The following CTBP2 variants were observed in gnomAD, a reference collection of about 807,000 sequenced individuals.
CTBP2 encodes C-terminal binding protein 2, also known as C-terminal-binding protein 2.
Under a neutral mutation model 80.3 loss-of-function variants are expected in CTBP2, and 30 were observed. The observed-to-expected ratio is 0.37, with a 90% confidence interval of 0.28 to 0.51. CTBP2 has a LOEUF of 0.51. Ranked by LOEUF, CTBP2 falls within the 20% of genes least tolerant of loss-of-function variation. The pLI, the probability that CTBP2 is intolerant of heterozygous loss-of-function variation, is 0.93. For missense variants in CTBP2, 1,212 were observed against 1,375.3 expected, an observed-to-expected ratio of 0.88 and a Z score of 1.88; for synonymous variants, 594 against 587.4, an observed-to-expected ratio of 1.01 and a Z score of -0.16.
chr10:125,121,270 C>T (rs914678398), intron 1 of CTBP2, among the ~76,000 whole-genome samples: 23 of 152,246 alleles, frequency 1.5e-4, no homozygotes, highest in African/African-American at 9.6e-5. Flanking sequence ...CAGCGCTCAG[C>T]GTGGCGCCTG....
chr10:125,055,992 C>T (rs1349559169), intron 2 of CTBP2, among the ~76,000 whole-genome samples: 5 of 151,976 alleles, frequency 3.3e-5, no homozygotes, highest in African/African-American at 4.8e-5. Flanking sequence ...TGGTGAAACC[C>T]CGTGTGTACT....
intron 2 of CTBP2, among the ~76,000 whole-genome samples, chr10:125,107,211 A>G (rs1012212303): frequency 1.3e-5 from 2 of 152,180 alleles, no homozygotes; most frequent in African/African-American, 4.8e-5. Context: ...GCCCCATCTC[A>G]GCCTCCTGAC....
rs373159689 is a variant in CTBP2 at position 125,145,092 on chromosome 10, GTTAT to G, written c.-206+15223_-206+15226del. 4.9e-3 allele frequency among the ~76,000 whole-genome samples: 742 copies of G among 152,324 alleles called. 4 individuals carry two copies. Among genetic ancestry groups the G allele is most frequent in the South Asian group, 0.036 (175 of 4,828 alleles). On this transcript the variant is annotated intron_variant, in intron 1 of 10. Transcript: ENST00000337195. ...TTCCAAGTTTCAAATAATTTAGTGG[GTTAT>G]TTGAGTTATATAAAATCTTCTTTCA... is the stretch of plus-strand genomic sequence containing the variant.
At chr10:125,070,139 CAGG>C (rs966218292) in intron 2 of CTBP2, among the ~76,000 whole-genome samples, 6 of 79,524 alleles carry the variant, frequency 7.5e-5, no homozygotes, top group Non-Finnish European at 1.4e-4. Context: ...ATCACAAAGT[CAGG>C]AGATCTACAC....
intron 1 of CTBP2, among the ~76,000 whole-genome samples, chr10:125,142,399 A>C (rs1475312757): frequency 6.6e-6 from 1 of 152,128 alleles, no homozygotes; most frequent in Admixed American, 6.5e-5. Flanking sequence ...GCATCTACCA[A>C]ACTCCTCGCA....
At position 124,984,772 on chromosome 10, in the gene CTBP2, A is replaced by C; in HGVS notation, c.*4746T>G. 6.2e-7 allele frequency: 1 copy of C among 1,612,354 alleles called. No homozygotes were observed. The highest frequency in any genetic ancestry group is 8.5e-7 in the Non-Finnish European group (1 of 1,178,774). ...CCCTTTGTCTTCATATTCCTCCAAA[A>C]GCTAGGTAATGAGGAACAGCAAGAA... On this transcript the variant is annotated 3_prime_UTR_variant, in exon 9 of 9. Transcript: ENST00000309035.
At chr10:125,114,487 A>G (rs1484029699) in intron 1 of CTBP2, among the ~76,000 whole-genome samples, 2 of 151,872 alleles carry the variant, frequency 1.3e-5, no homozygotes, top group Non-Finnish European at 2.9e-5. Context: ...GAAACTCACA[A>G]CTGAGGCTGC....
chr10:125,112,002 A>G (rs957921350), intron 1 of CTBP2, among the ~76,000 whole-genome samples: 3 of 152,092 alleles, frequency 2.0e-5, no homozygotes, highest in Non-Finnish European at 4.4e-5. Context: ...CTCTAAAGAC[A>G]TGAGCTGCTG....
intron 2 of CTBP2, among the ~76,000 whole-genome samples, chr10:125,075,839 G>A (rs1846196810): frequency 6.6e-6 from 1 of 152,202 alleles, no homozygotes; most frequent in Non-Finnish European, 1.5e-5. Context: ...GGCAGGAGTG[G>A]AAATCGGTAC....
chr10:125,007,383 T>G (rs1372316201), intron 1 of CTBP2, among the ~76,000 whole-genome samples: 1 of 152,346 alleles, frequency 6.6e-6, no homozygotes, highest in East Asian at 1.9e-4. Flanking sequence ...GAGCTGCAGC[T>G]GCAATAAATA....
chr10:125,060,938 A>C (rs1455588114), intron 2 of CTBP2, among the ~76,000 whole-genome samples: 2 of 152,198 alleles, frequency 1.3e-5, no homozygotes, highest in African/African-American at 4.8e-5. Context: ...ACCTGCAGAC[A>C]GTTCTCCCTG....
intron 1 of CTBP2, among the ~76,000 whole-genome samples, chr10:125,154,247 C>A (rs1250225500): frequency 2.0e-5 from 3 of 152,122 alleles, no homozygotes; most frequent in East Asian, 3.8e-4. Flanking sequence ...GCCCAGCCCT[C>A]CCTCTCCCCC....
rs1436116536 is a variant in CTBP2 at position 125,006,099 on chromosome 10, C to T, written c.1679-2607G>A. On this transcript the variant is annotated intron_variant, in intron 1 of 8. Transcript: ENST00000309035. Reference sequence around the variant, plus strand: ...GTTGCCTAGCGATCGGCTCCCTCCCCGACACGGGTTGCCTTTCTCCTTGGT... The same window carrying T: ...GTTGCCTAGCGATCGGCTCCCTCCCTGACACGGGTTGCCTTTCTCCTTGGT... The T allele has an allele frequency of 5.0e-6, 5 of 1,005,860 alleles. No individual in the cohort carries two copies. The South Asian group carries it at 6.4e-5, about 13-fold the overall frequency. 62.3% of individuals were successfully genotyped at this position (1,005,860 alleles called of 1,614,324 possible).
rs773483427 is a variant in CTBP2, at chr10:125,027,739, A to T, written c.21T>A (p.His7Gln). The change falls in exon 1 of 9, where the codon CAT becomes CAA. Residue 7 changes from histidine (H) to glutamine (Q), a missense_variant. Physicochemically the swap from His to Gln is conservative, Grantham distance 24 (BLOSUM62 0). Around this residue, in one of 3 missense-constraint regions of CTBP2, gnomAD observed 848 missense variants for 782.3 expected, o/e 1.08. Coordinates refer to ENST00000309035, the MANE Select transcript of CTBP2 (RefSeq NM_022802.3). ...AGCTCTGAGAACGACCAATATTTAT[A>T]TGCCTGCTGGGAACTGGCATTGGAA... 2 of 1,597,108 alleles carry T rather than the reference A, an allele frequency of 1.3e-6. No homozygotes were observed. Among genetic ancestry groups the T allele is most frequent in the African/African-American group, 1.3e-5 (1 of 74,578 alleles).
chr10:124,991,253 C>G (rs998268893), intron 8 of CTBP2, among the ~76,000 whole-genome samples: 11 of 152,208 alleles, frequency 7.2e-5, no homozygotes, highest in Admixed American at 2.6e-4. Flanking sequence ...GGTAGCCACC[C>G]CACCCCCAGC....
chr10:125,108,634 G>A (rs1191477129), intron 2 of CTBP2, among the ~76,000 whole-genome samples: 4 of 148,680 alleles, frequency 2.7e-5, no homozygotes, highest in Non-Finnish European at 5.9e-5. Context: ...GCAAACACAC[G>A]CCTTCTGGGG....
At chr10:125,049,902 G>A (rs72830871) in intron 2 of CTBP2, among the ~76,000 whole-genome samples, 13,526 of 152,170 alleles carry the variant, frequency 0.089, 749 homozygotes, top group Admixed American at 0.17. Context: ...CCAGCCTGAC[G>A]TGACCAGGCC....
At chr10:125,035,940 T>C (rs796311991) in intron 3 of CTBP2, among the ~76,000 whole-genome samples, 9 of 152,294 alleles carry the variant, frequency 5.9e-5, no homozygotes, top group African/African-American at 2.2e-4. Flanking sequence ...TATTATAGGA[T>C]TGCTTGATAG....
At chr10:124,997,604 A>T (rs1953799505) in intron 4 of CTBP2, 1 of 294,058 alleles carries the variant, frequency 3.4e-6, no homozygotes, top group African/African-American at 2.1e-5. Context: ...ACGAGCCCCA[A>T]GCCTGGCTGC....
Sources: gnomAD v4.1 joint callset for allele counts (sites outside exome capture counted in the v4.1 genomes callset) on GRCh38, gnomAD v4.1.1 for gene constraint, gnomAD v4.1.1 regional missense constraint, MANE v1.5 for transcripts, NCBI Gene and HGNC (gene_info 2026-07-23, HGNC 2026-07-21) for gene names.